The following SNTB1 variants were observed in gnomAD, a reference collection of about 807,000 sequenced individuals.
The protein encoded by SNTB1 is beta-1-syntrophin.
SNTB1 carries 36 observed loss-of-function variants against 48.9 expected under a neutral mutation model. The observed-to-expected ratio is 0.74, with a 90% CI of 0.56 to 0.97. The LOEUF is 0.97. Among genes scored for constraint, SNTB1 ranks in the 50% least tolerant of loss-of-function variants. SNTB1 has a pLI of 0.00. For missense variants in SNTB1, 786 were observed against 703.4 expected, an observed-to-expected ratio of 1.12 and a Z score of -1.33; for synonymous variants, 299 against 294.6, an observed-to-expected ratio of 1.01 and a Z score of -0.15.
intron 4 of SNTB1, among the ~76,000 whole-genome samples, chr8:120,574,082 A>G (rs957557332): frequency 6.6e-6 from 1 of 152,234 alleles, no homozygotes; most frequent in African/African-American, 2.4e-5. Context: ...AATGAACCTG[A>G]AGAACATTAT....
At chr8:120,564,914 C>T (rs1285982012) in intron 4 of SNTB1, among the ~76,000 whole-genome samples, 3 of 152,048 alleles carry the variant, frequency 2.0e-5, no homozygotes, top group East Asian at 1.9e-4. Context: ...AGAGAGAAGA[C>T]GTCACTTGCT....
intron 1 of SNTB1, among the ~76,000 whole-genome samples, chr8:120,755,096 G>A (rs182678296): frequency 2.6e-4 from 40 of 151,826 alleles, no homozygotes; most frequent in Non-Finnish European, 5.3e-4. Context: ...TGACACAGTG[G>A]CCTTGACACA....
chr8:120,749,203 C>T (rs1254534864), intron 1 of SNTB1, among the ~76,000 whole-genome samples: 1 of 152,124 alleles, frequency 6.6e-6, no homozygotes, highest in East Asian at 1.9e-4. Flanking sequence ...CGGCTGTAGC[C>T]TATTTCTAGC....
chr8:120,645,064 C>A (rs1817264365), intron 2 of SNTB1, among the ~76,000 whole-genome samples: 2 of 147,456 alleles, frequency 1.4e-5, no homozygotes, highest in Non-Finnish European at 3.0e-5. Flanking sequence ...TGGATATTAG[C>A]CCTTTGTCAG....
At chr8:120,752,867 G>A (rs797008724) in intron 1 of SNTB1, among the ~76,000 whole-genome samples, 17 of 151,734 alleles carry the variant, frequency 1.1e-4, no homozygotes, top group African/African-American at 4.1e-4. Flanking sequence ...ACTACCTATT[G>A]GGTACTATAC....
intron 3 of SNTB1, among the ~76,000 whole-genome samples, chr8:120,587,414 A>G (rs1402192730): frequency 6.6e-6 from 1 of 152,206 alleles, no homozygotes; most frequent in East Asian, 1.9e-4. Flanking sequence ...CCCACTACCC[A>G]TTCCCCACTC....
intron 3 of SNTB1, among the ~76,000 whole-genome samples, chr8:120,596,469 T>C (rs1449031758): frequency 6.6e-6 from 1 of 152,242 alleles, no homozygotes; most frequent in African/African-American, 2.4e-5. Context: ...GATTTATAGC[T>C]GCACAGGTCA....
At chr8:120,681,872 G>A (rs1285128719) in intron 2 of SNTB1, among the ~76,000 whole-genome samples, 1 of 146,942 alleles carries the variant, frequency 6.8e-6, no homozygotes, top group African/African-American at 2.5e-5. Flanking sequence ...CTCCAGTAAA[G>A]AAGATGAAGA....
At chr8:120,735,230 G>C (rs902585327) in intron 1 of SNTB1, among the ~76,000 whole-genome samples, 1 of 152,140 alleles carries the variant, frequency 6.6e-6, no homozygotes, top group Admixed American at 6.5e-5. Context: ...GAGAATAGGA[G>C]AGTGGCTTGG....
Position 120,636,910 on chromosome 8 carries a change from A to C in SNTB1, c.789-4259T>G. The C allele has an allele frequency of 1.2e-5, 3 of 253,570 alleles. No individual in the cohort carries two copies. The Middle Eastern group carries it at 2.8e-3, about 237-fold the overall frequency. 15.7% of individuals were successfully genotyped at this position (253,570 alleles called of 1,614,324 possible). ...TTTATAGAGACCCGAATTTCTGGTG[A>C]GCATGGACTTCTTAAGATCTCATTG... On this transcript the variant is annotated intron_variant, in intron 2 of 6. Coordinates refer to ENST00000517992, the MANE Select transcript of SNTB1 (RefSeq NM_021021.4).
chr8:120,681,268 T>C (rs1817926159), intron 2 of SNTB1, among the ~76,000 whole-genome samples: 1 of 152,212 alleles, frequency 6.6e-6, no homozygotes, highest in South Asian at 2.1e-4. Flanking sequence ...CATGTTGATC[T>C]CCTGCCTTTT....
intron 1 of SNTB1, among the ~76,000 whole-genome samples, chr8:120,698,126 T>G (rs1818241282): frequency 6.6e-6 from 1 of 152,162 alleles, no homozygotes; most frequent in African/African-American, 2.4e-5. Context: ...AGAAACCTAA[T>G]TTGGCTTTGC....
At position 120,549,259 on chromosome 8, in the gene SNTB1, A is replaced by T. The variant is rs192471974; in HGVS notation, c.1137-301T>A. ...GAAAAGAATTTAAATACTGTGTAAA[A>T]TTCTCTCTGAATATTCCTTTCCTGA... On this transcript the variant is annotated intron_variant, in intron 4 of 6. Transcript: ENST00000517992. Among the ~76,000 whole-genome samples the T allele has an allele frequency of 2.0e-4, 31 of 152,328 alleles. No individual in the cohort carries two copies. In the East Asian group the frequency reaches 3.1e-3, roughly 15 times the overall value.
At chr8:120,797,546 C>CTTTTTTTTT (rs60374035) in intron 1 of SNTB1, among the ~76,000 whole-genome samples, 20 of 69,114 alleles carry the variant, frequency 2.9e-4, no homozygotes, top group Non-Finnish European at 3.6e-4. Context: ...ACTTGTTTCT[C>CTTTTTTTTT]TTTTTTTTTT....
chr8:120,549,109 C>A, intron 4 of SNTB1, 151 bp from the exon 5 acceptor site: 1 of 605,098 alleles, frequency 1.7e-6, no homozygotes, highest in South Asian at 2.5e-5. Flanking sequence ...TCTGCCATCT[C>A]CTCTCCAATG....
intron 1 of SNTB1, among the ~76,000 whole-genome samples, chr8:120,759,183 A>G (rs972480657): frequency 9.9e-5 from 15 of 152,196 alleles, no homozygotes; most frequent in African/African-American, 3.1e-4. Flanking sequence ...AAGTTCTCCT[A>G]TTCTCCACAG....
chr8:120,579,655 C>T (rs868160160), intron 3 of SNTB1, among the ~76,000 whole-genome samples: 3 of 152,098 alleles, frequency 2.0e-5, no homozygotes, highest in Non-Finnish European at 4.4e-5. Context: ...CTCCAGCCTG[C>T]GTGACAGAGT....
intron 6 of SNTB1, 150 bp from the exon 7 acceptor site, chr8:120,539,119 G>A (rs1815244991): frequency 1.7e-6 from 1 of 594,646 alleles, no homozygotes; most frequent in African/African-American, 1.9e-5. Flanking sequence ...CCCTCAATGA[G>A]ATAAAGGAAC....
At chr8:120,789,543 T>A (rs1336779279) in intron 1 of SNTB1, among the ~76,000 whole-genome samples, 1 of 151,482 alleles carries the variant, frequency 6.6e-6, no homozygotes, top group African/African-American at 2.4e-5. Context: ...GAAGGGAAAA[T>A]GGAGACATTA....
Sources: gnomAD v4.1 joint callset for allele counts (sites outside exome capture counted in the v4.1 genomes callset) on GRCh38, gnomAD v4.1.1 for gene constraint, MANE v1.5 for transcripts, NCBI Gene and HGNC (gene_info 2026-07-23, HGNC 2026-07-21) for gene names.